IQCM: variants seen among roughly 807,000 people sequenced by gnomAD.
IQCM encodes the protein IQ motif containing M.
In IQCM, 45 loss-of-function variants were observed where a neutral mutation model predicts 57.6. That is an observed-to-expected ratio of 0.78 (90% CI 0.62 to 1.00). The LOEUF is 1.00. IQCM is among the 50% of genes least tolerant of loss of function. The pLI, the probability that IQCM is intolerant of heterozygous loss-of-function variation, is 0.00. For synonymous variants in IQCM, 148 were observed against 158.9 expected, an observed-to-expected ratio of 0.93 and a Z score of 0.51; for missense variants, 468 against 511.6, an observed-to-expected ratio of 0.91 and a Z score of 0.82.
chr4:149,529,166 C>A (rs1260696456), intron 12 of IQCM, among the ~76,000 whole-genome samples: 1 of 152,096 alleles, frequency 6.6e-6, no homozygotes, highest in African/African-American at 2.4e-5. Context: ...TGGGTTCAAG[C>A]AATTCTCCCG....
intron 13 of IQCM, among the ~76,000 whole-genome samples, chr4:149,353,243 C>T (rs77722507): frequency 1.6e-3 from 242 of 152,250 alleles, no homozygotes; most frequent in Non-Finnish European, 2.7e-3. Flanking sequence ...GATATCACCT[C>T]GGACCCCTTA....
intron 12 of IQCM, among the ~76,000 whole-genome samples, chr4:149,508,736 G>T (rs1044721729): frequency 2.2e-4 from 34 of 152,294 alleles, no homozygotes; most frequent in African/African-American, 7.5e-4. Context: ...TTGGGGGATT[G>T]TTGGGAAGGC....
intron 8 of IQCM, among the ~76,000 whole-genome samples, chr4:149,616,043 A>G (rs2150063636): frequency 6.6e-6 from 1 of 152,286 alleles, no homozygotes; most frequent in South Asian, 2.1e-4. Flanking sequence ...TGATATGGTT[A>G]TTCCTCAAAA....
chr4:149,797,142 T>C (rs1192307111), intron 2 of IQCM, among the ~76,000 whole-genome samples: 3 of 152,134 alleles, frequency 2.0e-5, no homozygotes, highest in Admixed American at 1.3e-4. Flanking sequence ...AATGGCTGTG[T>C]AGAGGAAACT....
chr4:149,377,148 A>G (rs1730755536), intron 13 of IQCM, among the ~76,000 whole-genome samples: 1 of 152,156 alleles, frequency 6.6e-6, no homozygotes, highest in African/African-American at 2.4e-5. Context: ...CATCTAACGA[A>G]AAAGTATATT....
At chr4:149,647,616 A>C (rs2150127050) in intron 7 of IQCM, among the ~76,000 whole-genome samples, 1 of 150,982 alleles carries the variant, frequency 6.6e-6, no homozygotes, top group South Asian at 2.1e-4. Flanking sequence ...TTTTTCTTTT[A>C]CTTCTTTTGC....
intron 7 of IQCM, among the ~76,000 whole-genome samples, chr4:149,623,089 A>T (rs1756489077): frequency 6.6e-6 from 1 of 152,190 alleles, no homozygotes; most frequent in Non-Finnish European, 1.5e-5. Flanking sequence ...AACTACCCTG[A>T]TCTGATCACT....
rs542979674 is a variant in IQCM at position 149,514,376 on chromosome 4, A to T, written c.1228+34079T>A. The T allele has an allele frequency of 7.9e-5, 12 of 152,334 alleles. No homozygotes were observed. The South Asian group carries it at 2.5e-3, about 32-fold the overall frequency. 9.4% of individuals were successfully genotyped at this position (152,334 alleles called of 1,614,324 possible). ...TTATGACCATCTGTAAATTATATGA[A>T]TTCACTTTACCTTCTTAATGAGTAT... On this transcript the variant is annotated intron_variant, in intron 12 of 13. Coordinates refer to ENST00000636793, the MANE Select transcript of IQCM (RefSeq NM_001363507.2).
intron 12 of IQCM, among the ~76,000 whole-genome samples, chr4:149,500,687 T>C (rs1264684825): frequency 3.3e-5 from 5 of 152,168 alleles, no homozygotes; most frequent in African/African-American, 1.2e-4. Context: ...TTTAAGCAGA[T>C]GGCTTGTATA....
intron 2 of IQCM, among the ~76,000 whole-genome samples, chr4:149,781,168 C>T (rs1771569293): frequency 6.6e-6 from 1 of 152,188 alleles, no homozygotes; most frequent in Admixed American, 6.5e-5. Flanking sequence ...GTTGTAGCTT[C>T]AATCTTCACT....
At chr4:149,542,359 T>G (rs370814715) in intron 12 of IQCM, among the ~76,000 whole-genome samples, 15 of 152,238 alleles carry the variant, frequency 9.9e-5, no homozygotes, top group African/African-American at 3.6e-4. Context: ...CTGGGAAACA[T>G]GAACAGGCAG....
chr4:149,411,031 C>G (rs148524267), intron 13 of IQCM, among the ~76,000 whole-genome samples: 1 of 152,036 alleles, frequency 6.6e-6, no homozygotes, highest in African/African-American at 2.4e-5. Context: ...TAAGAGTTGT[C>G]TTCTTTGTTG....
At chr4:149,480,366 CTTTG>C (rs1740647311) in intron 12 of IQCM, among the ~76,000 whole-genome samples, 1 of 151,964 alleles carries the variant, frequency 6.6e-6, no homozygotes, top group African/African-American at 2.4e-5. Context: ...TTTATTTTTT[CTTTG>C]TTTTTGTACC....
intron 12 of IQCM, among the ~76,000 whole-genome samples, chr4:149,496,222 T>C (rs1467033916): frequency 1.3e-5 from 2 of 152,140 alleles, no homozygotes; most frequent in Admixed American, 6.6e-5. Context: ...CAACCCAATA[T>C]AATTCTCATT....
chr4:149,396,586 G>A (rs1408320746), intron 13 of IQCM, among the ~76,000 whole-genome samples: 1 of 151,934 alleles, frequency 6.6e-6, no homozygotes, highest in Non-Finnish European at 1.5e-5. Context: ...CATTTAACAT[G>A]AGGTTTACCC....
intron 8 of IQCM, among the ~76,000 whole-genome samples, chr4:149,613,943 C>A (rs2150058970): frequency 6.6e-6 from 1 of 152,246 alleles, no homozygotes; most frequent in South Asian, 2.1e-4. Flanking sequence ...TGTATATGTG[C>A]CACATTTTCT....
At chr4:149,606,466 T>C (rs1244724014) in intron 8 of IQCM, among the ~76,000 whole-genome samples, 1 of 151,972 alleles carries the variant, frequency 6.6e-6, no homozygotes, top group Non-Finnish European at 1.5e-5. Flanking sequence ...ACCACAAAGG[T>C]TGAAATAAAT....
rs189892168 is a variant in IQCM at position 149,742,846 on chromosome 4, A to G, written c.-48-107T>C. On this transcript the variant is annotated intron_variant, in intron 2 of 13. Transcript: ENST00000636793. ...AGGGTGAATGATTAAAACTTTTTATATGTCATTTCTGTGCTCTATAACCTT... is the reference window on the plus strand; with the variant it reads ...AGGGTGAATGATTAAAACTTTTTATGTGTCATTTCTGTGCTCTATAACCTT... 75 of 446,652 alleles carry G rather than the reference A, an allele frequency of 1.7e-4. 2 individuals carry two copies. The Middle Eastern group carries it at 2.4e-3, about 15-fold the overall frequency. The allele number at this position is 446,652 out of a possible 1,614,324, so 27.7% of individuals were successfully genotyped here. A position where few individuals can be genotyped will look rare whatever the true frequency, so the allele number is the denominator to read the frequency against.
intron 7 of IQCM, among the ~76,000 whole-genome samples, chr4:149,645,442 A>G (rs1758550901): frequency 6.6e-6 from 1 of 152,202 alleles, no homozygotes; most frequent in African/African-American, 2.4e-5. Flanking sequence ...AAAATTGAAC[A>G]TAAGAATTCA....
Sources: gnomAD v4.1 joint callset for allele counts (sites outside exome capture counted in the v4.1 genomes callset) on GRCh38, gnomAD v4.1.1 for gene constraint, MANE v1.5 for transcripts, NCBI Gene and HGNC (gene_info 2026-07-23, HGNC 2026-07-21) for gene names.